Variants in STARD13 observed in about 807,000 individuals in gnomAD.
STARD13 encodes stAR-related lipid transfer protein 13.
STARD13 carries 62 observed loss-of-function variants against 106.4 expected under a neutral mutation model. That is an observed-to-expected ratio of 0.58 (90% CI 0.48 to 0.72). The LOEUF is 0.72. STARD13 is among the 30% of genes least tolerant of loss of function. The probability of loss-of-function intolerance (pLI) is 0.00; values close to 1 mark genes in which losing one functional copy is unlikely to be tolerated. For synonymous variants in STARD13, 565 were observed against 553.0 expected (o/e 1.02, Z -0.31); for missense variants, 1,387 against 1,424.0 (o/e 0.97, Z 0.42).
At chr13:33,503,637 G>C in the STARD13 span, among the ~76,000 whole-genome samples, 1 of 152,112 alleles carries the variant, frequency 6.6e-6, no homozygotes, top group Admixed American at 6.6e-5. Context: ...ATTTCGTTAT[G>C]TACCCAGTAG....
At chr13:33,253,195 A>C (rs889442547) in intron 1 of STARD13, among the ~76,000 whole-genome samples, 23 of 152,188 alleles carry the variant, frequency 1.5e-4, no homozygotes, top group African/African-American at 5.3e-4. Context: ...TAAGGCAATG[A>C]CTATGGACAG....
At chr13:33,415,209 A>C in the STARD13 span, among the ~76,000 whole-genome samples, 1 of 152,178 alleles carries the variant, frequency 6.6e-6, no homozygotes, top group Non-Finnish European at 1.5e-5. Context: ...TGTACTAAAA[A>C]TACAAAAAAG....
intron 1 of STARD13, among the ~76,000 whole-genome samples, chr13:33,233,491 C>G (rs897067450): frequency 6.6e-6 from 1 of 152,200 alleles, no homozygotes; most frequent in Non-Finnish European, 1.5e-5. Flanking sequence ...TGTCCCTTCT[C>G]CAGTTCTCCT....
At chr13:33,335,792 A>C (rs943388849) in intron 1 of STARD13, among the ~76,000 whole-genome samples, 5 of 152,234 alleles carry the variant, frequency 3.3e-5, no homozygotes, top group Non-Finnish European at 7.3e-5. Flanking sequence ...ATCATCCCAG[A>C]GAGGACTGAT....
chr13:33,152,397 C>T (rs1390707944), intron 3 of STARD13, among the ~76,000 whole-genome samples: 1 of 147,046 alleles, frequency 6.8e-6, no homozygotes, highest in African/African-American at 2.5e-5. Context: ...TACCTGCTAA[C>T]CCCGAGGCTT....
chr13:33,350,543 C>G, exon 1 of STARD13: 2 of 1,435,566 alleles, frequency 1.4e-6, no homozygotes, highest in Non-Finnish European at 1.8e-6. Flanking sequence ...CCAATGCGGG[C>G]GCGACATGGG....
chr13:33,385,843 T>C, the STARD13 span, among the ~76,000 whole-genome samples: 1 of 138,878 alleles, frequency 7.2e-6, no homozygotes, highest in Non-Finnish European at 1.5e-5. Flanking sequence ...AGAGCAAGAC[T>C]CTGTCTCAAA....
the STARD13 span, among the ~76,000 whole-genome samples, chr13:33,465,952 A>T: frequency 6.6e-6 from 1 of 152,180 alleles, no homozygotes; most frequent in Non-Finnish European, 1.5e-5. Context: ...ATATGATGTG[A>T]TGGGACTCTA....
chr13:33,305,539 T>C (rs1322355472), intron 1 of STARD13, among the ~76,000 whole-genome samples: 2 of 152,224 alleles, frequency 1.3e-5, no homozygotes, highest in Admixed American at 6.5e-5. Flanking sequence ...ACAAAGGGCA[T>C]AGACTCTCCC....
At chr13:33,345,997 C>T (rs149163847), downstream of STARD13, among the ~76,000 whole-genome samples, 92 of 152,324 alleles carry the variant, frequency 6.0e-4, no homozygotes, top group African/African-American at 2.1e-3. Context: ...CTCCTGGTAG[C>T]CACTTCGTAT....
chr13:33,113,317 TGACA>T (rs1429716072), intron 8 of STARD13: 1 of 369,474 alleles, frequency 2.7e-6, no homozygotes, highest in Non-Finnish European at 5.3e-6. Context: ...CCATCCTCCC[TGACA>T]GACAGCTTGG....
At chr13:33,492,421 G>A in the STARD13 span, among the ~76,000 whole-genome samples, 1 of 152,156 alleles carries the variant, frequency 6.6e-6, no homozygotes, top group Non-Finnish European at 1.5e-5. Context: ...GAAACCTACT[G>A]GGTTGAATTC....
At chr13:33,247,292 G>A (rs1889874470) in intron 1 of STARD13, among the ~76,000 whole-genome samples, 1 of 152,054 alleles carries the variant, frequency 6.6e-6, no homozygotes, top group East Asian at 1.9e-4. Context: ...GGTTTGTCTG[G>A]AGCCAAGATA....
the STARD13 span, among the ~76,000 whole-genome samples, chr13:33,662,946 T>G: frequency 1.1e-4 from 16 of 152,220 alleles, no homozygotes; most frequent in Non-Finnish European, 2.2e-4. Context: ...CTTTATAAAC[T>G]TAGCAAAGTC....
chr13:33,379,641 A>G, the STARD13 span, among the ~76,000 whole-genome samples: 1 of 152,250 alleles, frequency 6.6e-6, no homozygotes, highest in East Asian at 1.9e-4. Context: ...ATGTAAATAT[A>G]GATAAGTTTA....
At chr13:33,178,491 T>C (rs532887984) in intron 1 of STARD13, among the ~76,000 whole-genome samples, 1 of 152,356 alleles carries the variant, frequency 6.6e-6, no homozygotes, top group Admixed American at 6.5e-5. Context: ...AAGACACATC[T>C]CATATGGTTT....
At chr13:33,274,107 T>C (rs1306893537) in intron 1 of STARD13, 1 of 143,538 alleles carries the variant, frequency 7.0e-6, no homozygotes, top group African/African-American at 2.6e-5. Context: ...TTTTTTTTGA[T>C]GTAACAAATA....
At chr13:33,597,770 T>C in the STARD13 span, among the ~76,000 whole-genome samples, 5,470 of 151,650 alleles carry the variant, frequency 0.036, 252 homozygotes, top group African/African-American at 0.098. Flanking sequence ...AGGAGAATCG[T>C]TTGAATCTGG....
At chr13:33,156,118 A>G (rs185709183) in intron 3 of STARD13, among the ~76,000 whole-genome samples, 10 of 152,370 alleles carry the variant, frequency 6.6e-5, no homozygotes, top group Admixed American at 4.6e-4. Context: ...CCTATCACGC[A>G]GCTAACGCCA....
Sources: allele counts gnomAD v4.1 joint callset (sites outside exome capture counted in the v4.1 genomes callset), GRCh38; gene constraint gnomAD v4.1.1; transcripts MANE v1.5; gene names NCBI Gene and HGNC (gene_info 2026-07-23, HGNC 2026-07-21).